MGLL: variants seen among roughly 807,000 people sequenced by gnomAD.
The protein encoded by MGLL is lysophospholipase homolog.
In MGLL, 7 loss-of-function variants were observed where a neutral mutation model predicts 29.1. The ratio of observed to expected loss-of-function variants is 0.24; its 90% CI spans 0.14 to 0.45. The LOEUF (loss-of-function observed/expected upper bound fraction) is 0.45. MGLL is among the 20% of genes least tolerant of loss of function. The pLI is 0.99. For synonymous variants in MGLL, 148 were observed against 168.3 expected, an observed-to-expected ratio of 0.88 and a Z score of 0.93; for missense variants, 356 against 413.6, an observed-to-expected ratio of 0.86 and a Z score of 1.21.
chr3:127,697,379 G>A (rs571500418), intron 6 of MGLL, among the ~76,000 whole-genome samples: 1 of 152,192 alleles, frequency 6.6e-6, no homozygotes, highest in Admixed American at 6.5e-5. Flanking sequence ...CTGTCTGCCC[G>A]GCACTAAGTG....
intron 6 of MGLL, among the ~76,000 whole-genome samples, chr3:127,700,230 G>A (rs536040245): frequency 6.6e-6 from 1 of 152,158 alleles, no homozygotes; most frequent in Non-Finnish European, 1.5e-5. Flanking sequence ...ACAAAAACTG[G>A]CAAGTCTTTG....
chr3:127,790,037 T>G (rs965960480), intron 2 of MGLL, among the ~76,000 whole-genome samples: 2 of 152,162 alleles, frequency 1.3e-5, no homozygotes, highest in Non-Finnish European at 2.9e-5. Context: ...TCACCCTGAT[T>G]AGTAGTAAGT....
At chr3:127,753,781 A>G (rs2076603743) in intron 3 of MGLL, among the ~76,000 whole-genome samples, 1 of 152,248 alleles carries the variant, frequency 6.6e-6, no homozygotes, top group Non-Finnish European at 1.5e-5. Flanking sequence ...GCTCAGAAAC[A>G]GCCCAATGAC....
chr3:127,787,393 G>C (rs941713484), intron 2 of MGLL, among the ~76,000 whole-genome samples: 1 of 152,196 alleles, frequency 6.6e-6, no homozygotes, highest in South Asian at 2.1e-4. Context: ...AGAATTAAAC[G>C]GACAGTCCCC....
intron 3 of MGLL, among the ~76,000 whole-genome samples, chr3:127,726,053 A>G (rs2076024371): frequency 7.3e-6 from 1 of 137,010 alleles, no homozygotes; most frequent in African/African-American, 2.5e-5. Flanking sequence ...CAAAAGTGAG[A>G]CCCTATCTCA....
intron 3 of MGLL, among the ~76,000 whole-genome samples, chr3:127,741,006 AC>A (rs1338172314): frequency 1.3e-5 from 2 of 152,114 alleles, no homozygotes; most frequent in Non-Finnish European, 1.5e-5. Context: ...CCCCACGGCT[AC>A]CCCCAGTGAG....
intron 3 of MGLL, among the ~76,000 whole-genome samples, chr3:127,743,644 G>A (rs1266155684): frequency 6.7e-6 from 1 of 148,368 alleles, no homozygotes; most frequent in Non-Finnish European, 1.5e-5. Context: ...CAAAGTCACA[G>A]GTAGAAGGGG....
At chr3:127,751,642 G>C (rs1287932046) in intron 3 of MGLL, among the ~76,000 whole-genome samples, 1 of 152,028 alleles carries the variant, frequency 6.6e-6, no homozygotes, top group Non-Finnish European at 1.5e-5. Context: ...TCATGAGATA[G>C]ATAAATGGCT....
intron 3 of MGLL, chr3:127,735,974 C>T (rs1036191737): frequency 7.0e-6 from 10 of 1,432,846 alleles, no homozygotes; most frequent in South Asian, 4.6e-5. Flanking sequence ...AACCATCTTT[C>T]GGCTCAGTTC....
intron 7 of MGLL, among the ~76,000 whole-genome samples, chr3:127,693,960 G>A (rs2075296717): frequency 6.6e-6 from 1 of 152,176 alleles, no homozygotes; most frequent in Non-Finnish European, 1.5e-5. Context: ...TGAATGCAGT[G>A]TTCCACTGTG....
chr3:127,783,391 C>T (rs1019386929), intron 2 of MGLL, among the ~76,000 whole-genome samples: 1 of 152,048 alleles, frequency 6.6e-6, no homozygotes, highest in Admixed American at 6.6e-5. Context: ...CCCTGCTGAC[C>T]GTCACTCTGG....
intron 3 of MGLL, among the ~76,000 whole-genome samples, chr3:127,725,045 G>C (rs1265317799): frequency 6.6e-6 from 1 of 151,798 alleles, no homozygotes; most frequent in South Asian, 2.1e-4. Context: ...CTCCTTAAGG[G>C]GTGGTCCACA....
chr3:127,713,247 T>C (rs958954546), intron 5 of MGLL: 1 of 152,244 alleles, frequency 6.6e-6, no homozygotes, highest in Non-Finnish European at 1.5e-5. Context: ...GAGAGACTGA[T>C]TGTATTGGCC....
chr3:127,821,584 T>A, intron 2 of MGLL, 110 bp downstream of exon 2: 1 of 1,187,424 alleles, frequency 8.4e-7, no homozygotes, highest in Non-Finnish European at 1.2e-6. Context: ...GCAGGGGAAG[T>A]AGGTCATAGA....
At position 127,722,682 on chromosome 3, in the gene MGLL, C is replaced by A. The variant is rs1576504114; in HGVS notation, c.263-116G>T. The stretch of plus-strand genomic sequence containing the variant: ...TCCTGAGCGCCTGAATGTGTCACCT[C>A]ATTTAACCCTTTCCAGCCACTCTTG... On this transcript the variant is annotated intron_variant, in intron 3 of 7. Coordinates refer to ENST00000265052, the MANE Select transcript of MGLL (RefSeq NM_007283.7). 7 of 1,384,052 alleles carry A rather than the reference C, an allele frequency of 5.1e-6. No individual in the cohort carries two copies. In the East Asian group the frequency reaches 1.5e-4, roughly 29 times the overall value. 85.7% of individuals were successfully genotyped at this position (1,384,052 alleles called of 1,614,324 possible). A position where few individuals can be genotyped will look rare whatever the true frequency, so the allele number is the denominator to read the frequency against.
intron 3 of MGLL, among the ~76,000 whole-genome samples, chr3:127,778,830 C>T (rs752862362): frequency 6.2e-5 from 9 of 144,846 alleles, no homozygotes; most frequent in Admixed American, 3.6e-4. Flanking sequence ...TGGCTTACTG[C>T]AGCCTTGAAC....
chr3:127,709,656 T>C (rs1232323479), intron 6 of MGLL, among the ~76,000 whole-genome samples: 1 of 152,176 alleles, frequency 6.6e-6, no homozygotes, highest in East Asian at 1.9e-4. Context: ...AGGGAGCCAG[T>C]GATTCAATGA....
intron 7 of MGLL, among the ~76,000 whole-genome samples, 193 bp from the exon 8 acceptor site, chr3:127,692,516 T>C (rs2075267360): frequency 6.6e-6 from 1 of 152,224 alleles, no homozygotes; most frequent in South Asian, 2.1e-4. Flanking sequence ...TGTGTTACAA[T>C]GTCCCAGTGT....
At chr3:127,732,756 G>A (rs955672938) in intron 3 of MGLL, among the ~76,000 whole-genome samples, 4 of 152,180 alleles carry the variant, frequency 2.6e-5, no homozygotes, top group Admixed American at 1.3e-4. Context: ...GATACAATAG[G>A]AACAGAAGGG....
Sources: gnomAD v4.1 joint callset for allele counts (sites outside exome capture counted in the v4.1 genomes callset) on GRCh38, gnomAD v4.1.1 for gene constraint, MANE v1.5 for transcripts, NCBI Gene and HGNC (gene_info 2026-07-23, HGNC 2026-07-21) for gene names.